The following CRACDL variants were observed in gnomAD, a reference collection of about 807,000 sequenced individuals.
CRACDL encodes the protein CRACD like, also known as CRACD-like protein.
CRACDL carries 26 observed loss-of-function variants against 70.6 expected under a neutral mutation model. The observed-to-expected ratio is 0.37, with a 90% CI of 0.27 to 0.51. CRACDL has a LOEUF of 0.51. CRACDL is among the 20% of genes least tolerant of loss of function. CRACDL has a pLI of 0.94. For synonymous variants in CRACDL, 618 were observed against 615.2 expected (o/e 1.00, Z -0.07); for missense variants, 1,283 against 1,376.9 (o/e 0.93, Z 1.08).
intron 1 of CRACDL, among the ~76,000 whole-genome samples, chr2:98,926,074 T>C (rs1708903014): frequency 6.6e-6 from 1 of 152,230 alleles, no homozygotes; most frequent in East Asian, 1.9e-4. Context: ...CCGCTGTAGC[T>C]GGTAAAATAA....
intron 3 of CRACDL, among the ~76,000 whole-genome samples, chr2:98,834,184 C>G (rs1705669988): frequency 6.6e-6 from 1 of 152,202 alleles, no homozygotes; most frequent in South Asian, 2.1e-4. Flanking sequence ...CCACAACCAC[C>G]ACCCAAGCAC....
intron 1 of CRACDL, among the ~76,000 whole-genome samples, chr2:98,879,583 C>G (rs984329477): frequency 3.3e-5 from 5 of 152,206 alleles, no homozygotes; most frequent in Non-Finnish European, 1.5e-5. Context: ...GCGTCTCACT[C>G]TGTTGCCTAG....
At chr2:98,803,203 T>C (rs1288157575) in intron 7 of CRACDL, among the ~76,000 whole-genome samples, 2 of 152,102 alleles carry the variant, frequency 1.3e-5, no homozygotes, top group African/African-American at 4.8e-5. Flanking sequence ...GGTTTCACCA[T>C]GTTAGCCAGG....
At chr2:98,857,068 C>T (rs1352458308) in intron 1 of CRACDL, among the ~76,000 whole-genome samples, 1 of 152,226 alleles carries the variant, frequency 6.6e-6, no homozygotes, top group Non-Finnish European at 1.5e-5. Context: ...GCCTCCTTCT[C>T]TAGGACCTGC....
chr2:98,866,472 C>CTTTTTTTTTTTTTTTTTTT (rs869154325), intron 1 of CRACDL, among the ~76,000 whole-genome samples: 1 of 107,812 alleles, frequency 9.3e-6, no homozygotes. Context: ...ACAATCACTT[C>CTTTTTTTTTTTTTTTTTTT]TTCTTTTTTT....
At chr2:98,795,374 C>A (rs935754538) in intron 9 of CRACDL, among the ~76,000 whole-genome samples, 2 of 151,970 alleles carry the variant, frequency 1.3e-5, no homozygotes, top group South Asian at 4.2e-4. Context: ...TGGCGTCCGG[C>A]CTAAAAATTT....
At chr2:98,866,332 A>T (rs967424346) in intron 1 of CRACDL, among the ~76,000 whole-genome samples, 1 of 152,152 alleles carries the variant, frequency 6.6e-6, no homozygotes, top group Non-Finnish European at 1.5e-5. Flanking sequence ...GACTAACTCC[A>T]TGAGGAGAGA....
At chr2:98,826,900 G>T in intron 6 of CRACDL, 75 bp downstream of exon 6, 1 of 1,076,144 alleles carries the variant, frequency 9.3e-7, no homozygotes, top group Non-Finnish European at 1.3e-6. Flanking sequence ...GGGGAGTGAG[G>T]CAGGTTGGGG....
At chr2:98,900,791 C>T (rs1262232347) in intron 1 of CRACDL, among the ~76,000 whole-genome samples, 2 of 152,166 alleles carry the variant, frequency 1.3e-5, no homozygotes, top group Non-Finnish European at 2.9e-5. Context: ...GACGCAAGGG[C>T]CCAAGCCCAG....
intron 7 of CRACDL, among the ~76,000 whole-genome samples, chr2:98,806,338 C>T (rs1704291275): frequency 6.6e-6 from 1 of 152,218 alleles, no homozygotes; most frequent in Admixed American, 6.5e-5. Context: ...GGAGTGAGGC[C>T]AGGAATCTGG....
At chr2:98,795,913 T>C (rs751140959) in intron 9 of CRACDL, among the ~76,000 whole-genome samples, 6 of 152,246 alleles carry the variant, frequency 3.9e-5, no homozygotes, top group Non-Finnish European at 8.8e-5. Flanking sequence ...CAAACCCGTG[T>C]TGTTCAAGGG....
intron 1 of CRACDL, among the ~76,000 whole-genome samples, chr2:98,872,091 G>T (rs1707364913): frequency 6.6e-6 from 1 of 152,200 alleles, no homozygotes; most frequent in African/African-American, 2.4e-5. Context: ...TACCAGGCTG[G>T]ACGTGGTGGC....
At position 98,838,297 on chromosome 2, in the gene CRACDL, T is replaced by G. The variant is rs1409120167; in HGVS notation, c.71-10A>C. ...TTAGATTTTTTCTTTCCTATACAGATTAGAGAAAAAAATAATAAATAAGAC... is the reference window on the plus strand; with the variant it reads ...TTAGATTTTTTCTTTCCTATACAGAGTAGAGAAAAAAATAATAAATAAGAC... On this transcript the variant is annotated splice_polypyrimidine_tract_variant and intron_variant, in intron 2 of 9. Transcript: ENST00000397899. 13 of 1,492,282 alleles carry G rather than the reference T, an allele frequency of 8.7e-6. No homozygotes were observed. The highest frequency in any genetic ancestry group is 1.2e-5 in the Non-Finnish European group (13 of 1,088,604). 92.4% of individuals were successfully genotyped at this position (1,492,282 alleles called of 1,614,324 possible).
chr2:98,911,220 C>G (rs574868208), intron 1 of CRACDL, among the ~76,000 whole-genome samples: 45 of 152,344 alleles, frequency 3.0e-4, no homozygotes, highest in African/African-American at 1.1e-3. Flanking sequence ...CCCTGCCTCC[C>G]TCATAGTGGA....
chr2:98,901,509 C>T (rs934011537), intron 1 of CRACDL, among the ~76,000 whole-genome samples: 8 of 152,192 alleles, frequency 5.3e-5, no homozygotes, highest in Admixed American at 1.3e-4. Flanking sequence ...AGGCCCTAAC[C>T]AACAAGCAAA....
Position 98,823,759 on chromosome 2 carries a change from T to C in CRACDL, c.736-222A>G, listed in dbSNP as rs190546045. 6.6e-6 allele frequency among the ~76,000 whole-genome samples: 1 copy of C among 152,292 alleles called. No homozygotes were observed. Among genetic ancestry groups the C allele is most frequent in the Non-Finnish European group, 1.5e-5 (1 of 68,022 alleles). On this transcript the variant is annotated intron_variant, in intron 6 of 9. Transcript: ENST00000397899. The surrounding 1 kb of genome is among the most constrained non-coding windows in gnomAD (Gnocchi z 4.0). Reference sequence around the variant, plus strand: ...GACAATGGCAGATATGCCTCCAAAGTAAATGTCTACAGCTCCTCTGGCAGA... The same window carrying C: ...GACAATGGCAGATATGCCTCCAAAGCAAATGTCTACAGCTCCTCTGGCAGA...
intron 1 of CRACDL, among the ~76,000 whole-genome samples, chr2:98,910,025 C>G (rs1227795621): frequency 2.6e-5 from 4 of 152,176 alleles, no homozygotes; most frequent in African/African-American, 7.2e-5. Context: ...GCCATCTCTC[C>G]CACATCGCAC....
chr2:98,799,238 C>T (rs1160628694), intron 7 of CRACDL, among the ~76,000 whole-genome samples: 1 of 152,166 alleles, frequency 6.6e-6, no homozygotes, highest in Non-Finnish European at 1.5e-5. Context: ...TGTCTTCCAC[C>T]CCTTGCTCTG....
At chr2:98,912,127 G>A (rs1708559746) in intron 1 of CRACDL, among the ~76,000 whole-genome samples, 2 of 152,210 alleles carry the variant, frequency 1.3e-5, no homozygotes, top group Admixed American at 1.3e-4. Context: ...AACCACTGGC[G>A]TCCTGGGCAG....
Sources: gnomAD v4.1 joint callset for allele counts (sites outside exome capture counted in the v4.1 genomes callset) on GRCh38, gnomAD v4.1.1 for gene constraint, Gnocchi (gnomAD v3.1) non-coding constraint, MANE v1.5 for transcripts, NCBI Gene and HGNC (gene_info 2026-07-23, HGNC 2026-07-21) for gene names.